ALDH1A2: variants seen among roughly 807,000 people sequenced by gnomAD.
The protein encoded by ALDH1A2 is aldehyde dehydrogenase 1 family member A2.
In ALDH1A2, 27 loss-of-function variants were observed where a neutral mutation model predicts 60.3. The ratio of observed to expected loss-of-function variants is 0.45; its 90% CI spans 0.33 to 0.62. The LOEUF (loss-of-function observed/expected upper bound fraction) is 0.62, where lower values mean the gene tolerates loss of function less well. Ranked by LOEUF, ALDH1A2 falls within the 20% of genes least tolerant of loss-of-function variation. The pLI, the probability that ALDH1A2 is intolerant of heterozygous loss-of-function variation, is 0.02. For synonymous variants in ALDH1A2, 289 were observed against 232.4 expected, an observed-to-expected ratio of 1.24 and a Z score of -2.21; for missense variants, 581 against 643.8, an observed-to-expected ratio of 0.90 and a Z score of 1.06.
intron 1 of ALDH1A2, among the ~76,000 whole-genome samples, chr15:58,028,170 A>G (rs917891105): frequency 6.6e-5 from 10 of 152,220 alleles, no homozygotes; most frequent in Admixed American, 3.9e-4. Flanking sequence ...GTTACCCACA[A>G]ATGGAAGCCC....
At chr15:58,014,374 CTTG>C (rs1895730056) in intron 1 of ALDH1A2, 93 bp from the exon 2 acceptor site, 3 of 940,632 alleles carry the variant, frequency 3.2e-6, no homozygotes, top group South Asian at 2.6e-5. Flanking sequence ...GGTAATAACA[CTTG>C]TTGTATAATA....
intron 7 of ALDH1A2, among the ~76,000 whole-genome samples, chr15:57,970,930 T>TTGTC (rs1366473790): frequency 7.9e-5 from 12 of 152,326 alleles, no homozygotes; most frequent in African/African-American, 2.9e-4. Flanking sequence ...GATTGGGTGT[T>TTGTC]TGTCTTTCTG....
At chr15:58,037,117 C>G (rs1172276783) in intron 1 of ALDH1A2, among the ~76,000 whole-genome samples, 1 of 151,654 alleles carries the variant, frequency 6.6e-6, no homozygotes. Context: ...TAACAACAGC[C>G]TCTACCACAG....
rs191071233 is a variant in ALDH1A2, at chr15:58,022,810, G to A, written c.118-8529C>T. Reference sequence around the variant, plus strand: ...ACCACTGCATCCACCCAGAATCAAAGCCAAAATGCCCCATCCAACCAACAC... The same window carrying A: ...ACCACTGCATCCACCCAGAATCAAAACCAAAATGCCCCATCCAACCAACAC... On this transcript the variant is annotated intron_variant, in intron 1 of 12. Coordinates refer to ENST00000249750, the MANE Select transcript of ALDH1A2 (RefSeq NM_003888.4). Among the ~76,000 whole-genome samples the A allele has an allele frequency of 3.1e-3, 464 of 152,018 alleles. 3 individuals are homozygous for A. The highest frequency in any genetic ancestry group is 0.011 in the African/African-American group (444 of 41,470).
chr15:58,053,731 C>A (rs1362790723), intron 1 of ALDH1A2, among the ~76,000 whole-genome samples: 2 of 152,116 alleles, frequency 1.3e-5, no homozygotes, highest in Non-Finnish European at 2.9e-5. Flanking sequence ...AGTCTCCCTG[C>A]TGTTTACAAG....
intron 12 of ALDH1A2, among the ~76,000 whole-genome samples, 157 bp downstream of exon 12, chr15:57,960,605 TCTCTATAA>T (rs1304056279): frequency 7.2e-5 from 11 of 152,352 alleles, no homozygotes; most frequent in Admixed American, 6.5e-4. Context: ...GTTTTATTCA[TCTCTATAA>T]CATGTAATAG....
chr15:57,975,077 G>A (rs1894202402), intron 7 of ALDH1A2, among the ~76,000 whole-genome samples: 1 of 152,198 alleles, frequency 6.6e-6, no homozygotes, highest in Non-Finnish European at 1.5e-5. Context: ...ATGTTGGTGG[G>A]GATGTAAAGG....
At chr15:58,041,554 C>T (rs1348087032) in intron 1 of ALDH1A2, among the ~76,000 whole-genome samples, 15 of 151,862 alleles carry the variant, frequency 9.9e-5, no homozygotes, top group Admixed American at 8.5e-4. Flanking sequence ...GGTGAGGGCC[C>T]ACTTTTTGGT....
intron 1 of ALDH1A2, among the ~76,000 whole-genome samples, chr15:58,016,510 G>T: frequency 6.6e-6 from 1 of 152,030 alleles, no homozygotes; most frequent in Admixed American, 6.6e-5. Flanking sequence ...CATGACTTTT[G>T]TTTCTTACAG....
intron 12 of ALDH1A2, 110 bp downstream of exon 12, chr15:57,960,660 T>C: frequency 1.1e-6 from 1 of 916,286 alleles, no homozygotes. Context: ...CACGAAATGT[T>C]TGTTGAATGT....
intron 1 of ALDH1A2, among the ~76,000 whole-genome samples, chr15:58,044,608 C>T (rs1381507521): frequency 2.0e-5 from 3 of 152,068 alleles, no homozygotes; most frequent in Non-Finnish European, 4.4e-5. Flanking sequence ...GGTCCTGGGA[C>T]ACTGTCTGCA....
Position 58,019,299 on chromosome 15 carries a change from A to T in ALDH1A2, c.118-5018T>A, listed in dbSNP as rs538184294. 7.2e-5 allele frequency among the ~76,000 whole-genome samples: 11 copies of T among 152,042 alleles called. No individual in the cohort carries two copies. In the South Asian group the frequency reaches 1.9e-3, roughly 26 times the overall value. ...TAAATGTGACTTTGTGGAAAATAAAATAAGCCACTCAAGCTCTGTCTTGAA... is the reference window on the plus strand; with the variant it reads ...TAAATGTGACTTTGTGGAAAATAAATTAAGCCACTCAAGCTCTGTCTTGAA... On this transcript the variant is annotated intron_variant, in intron 1 of 12. Transcript: ENST00000249750.
At chr15:57,973,247 ATATTT>A (rs1894130989) in intron 7 of ALDH1A2, among the ~76,000 whole-genome samples, 1 of 152,202 alleles carries the variant, frequency 6.6e-6, no homozygotes, top group South Asian at 2.1e-4. Flanking sequence ...GAGCTCTTTT[ATATTT>A]ATTAAATATT....
chr15:58,055,883 A>T (rs1253879724), intron 1 of ALDH1A2, among the ~76,000 whole-genome samples: 1 of 139,846 alleles, frequency 7.2e-6, no homozygotes, highest in Non-Finnish European at 1.6e-5. Context: ...TGAATAATGT[A>T]GAGTTATTCA....
intron 7 of ALDH1A2, among the ~76,000 whole-genome samples, chr15:57,985,739 A>C (rs1432917710): frequency 6.6e-6 from 1 of 152,188 alleles, no homozygotes; most frequent in Non-Finnish European, 1.5e-5. Context: ...GAGAAGGCCT[A>C]AGGGATAGAC....
intron 1 of ALDH1A2, among the ~76,000 whole-genome samples, chr15:58,039,120 G>A (rs1252870507): frequency 6.6e-6 from 1 of 151,722 alleles, no homozygotes; most frequent in African/African-American, 2.4e-5. Context: ...GACTCCAATG[G>A]CTGTTGATTA....
chr15:58,007,402 G>GC (rs1895495587), intron 4 of ALDH1A2, among the ~76,000 whole-genome samples: 2 of 151,868 alleles, frequency 1.3e-5, no homozygotes. Context: ...CTTCATCAGG[G>GC]CCACCTTCCT....
chr15:58,053,923 C>T (rs143387421), intron 1 of ALDH1A2, among the ~76,000 whole-genome samples: 1 of 152,254 alleles, frequency 6.6e-6, no homozygotes, highest in Non-Finnish European at 1.5e-5. Flanking sequence ...AATAAATACC[C>T]ATTTGTGAAG....
At chr15:58,012,506 A>C (rs1338678369) in intron 3 of ALDH1A2, among the ~76,000 whole-genome samples, 2 of 152,210 alleles carry the variant, frequency 1.3e-5, no homozygotes, top group Non-Finnish European at 2.9e-5. Flanking sequence ...CTTGAGAAGC[A>C]TTTAGTAGGC....
Sources: allele counts gnomAD v4.1 joint callset (sites outside exome capture counted in the v4.1 genomes callset), GRCh38; gene constraint gnomAD v4.1.1; transcripts MANE v1.5; gene names NCBI Gene and HGNC (gene_info 2026-07-23, HGNC 2026-07-21).